Variants in ZNF888 observed in about 807,000 individuals in gnomAD.
ZNF888 encodes the protein zinc finger protein 888.
In ZNF888, 5 loss-of-function variants were observed where a neutral mutation model predicts 7.2. The ratio of observed to expected loss-of-function variants is 0.70; its 90% CI spans 0.36 to 1.46. The LOEUF (loss-of-function observed/expected upper bound fraction) is 1.46, where lower values mean the gene tolerates loss of function less well. Among genes scored for constraint, ZNF888 ranks in the 40% most tolerant of loss-of-function variants. The pLI is 0.03. For synonymous variants in ZNF888, 240 were observed against 284.3 expected, an observed-to-expected ratio of 0.84 and a Z score of 1.57; for missense variants, 716 against 858.0, an observed-to-expected ratio of 0.83 and a Z score of 2.07.
intron 2 of ZNF888, chr19:52,918,169 T>G: frequency 2.0e-6 from 2 of 985,344 alleles, no homozygotes; most frequent in South Asian, 9.4e-5. Flanking sequence ...GAGCTCCCCT[T>G]CAAGGCACAG....
intron 4 of ZNF888, chr19:52,913,687 A>G (rs1422443914): frequency 9.2e-6 from 9 of 977,250 alleles, no homozygotes; most frequent in Middle Eastern, 1.1e-3. Flanking sequence ...CATACCTGCA[A>G]CAATAACCTC....
Position 52,906,579 on chromosome 19 carries a change from A to T in ZNF888, c.1743T>A (p.Asn581Lys). The T allele has an allele frequency of 4.3e-6, 7 of 1,613,810 alleles. No homozygotes were observed. The highest frequency in any genetic ancestry group is 5.9e-6 in the Non-Finnish European group (7 of 1,179,890). Residue 581 changes from asparagine to lysine, a missense_variant, in exon 5 of 5, where the codon AAT becomes AAA. Coordinates refer to ENST00000638862, the MANE Select transcript of ZNF888 (RefSeq NM_001393938.1). ...GTGTCCTAAAAACCTTGCCACATTCATTACACTTGTAAGGTTTCTCTCCAG... is the reference window on the plus strand; with the variant it reads ...GTGTCCTAAAAACCTTGCCACATTCTTTACACTTGTAAGGTTTCTCTCCAG... ...LHTGEKPYKC[N>K]ECGKVFRTQS...
intron 3 of ZNF888, among the ~76,000 whole-genome samples, chr19:52,916,497 T>C (rs1267271987): frequency 6.6e-6 from 1 of 151,440 alleles, no homozygotes; most frequent in Non-Finnish European, 1.5e-5. Flanking sequence ...CATATATATG[T>C]GTATGTACAT....
chr19:52,906,436 G>A lies in ZNF888; in HGVS notation c.1886C>T (p.Thr629Ile). 2 of 1,613,106 alleles carry A rather than the reference G, an allele frequency of 1.2e-6. No individual in the cohort carries two copies. Among genetic ancestry groups the A allele is most frequent in the Non-Finnish European group, 8.5e-7 (1 of 1,179,508 alleles). The change falls in exon 5 of 5, where the codon ACT becomes ATT. Residue 629 changes from threonine (T) to isoleucine (I), a missense_variant. By Grantham distance (89) the Thr-to-Ile change is moderately conservative. Transcript: ENST00000638862. ...CCTACATTTGTATGGTTTCTCTCCA[G>A]TATGAACTCTCCTATGTATTTCAAG... ...SHLEIHRRVH[T>I]GEKPYKCRVC...
Position 52,907,938 on chromosome 19 carries a change from C to T in ZNF888, c.384G>A (p.Arg128=), listed in dbSNP as rs779625012. The change falls in exon 5 of 5, where the codon AGG becomes AGA. Residue 128 remains arginine, a synonymous_variant. Coordinates refer to ENST00000638862, the MANE Select transcript of ZNF888 (RefSeq NM_001393938.1). The stretch of plus-strand genomic sequence containing the variant: ...ATTTAATAGGCTTGTTTCCAGCATG[C>T]CTTTGATCATATTGGTCTGTACTAC... The part of the protein sequence containing the change: ...LTGSTDQYDQ[R]HAGNKPIKYQ... The T allele has an allele frequency of 6.2e-7, 1 of 1,613,996 alleles. No homozygotes were observed. The highest frequency in any genetic ancestry group is 1.3e-5 in the African/African-American group (1 of 74,902).
chr19:52,911,819 T>C (rs1174184281), intron 4 of ZNF888, among the ~76,000 whole-genome samples: 1 of 151,912 alleles, frequency 6.6e-6, no homozygotes, highest in Non-Finnish European at 1.5e-5. Flanking sequence ...TTTATTTTAT[T>C]TATTTTTATT....
chr19:52,914,264 C>G (rs768573372), intron 4 of ZNF888: 70 of 749,240 alleles, frequency 9.3e-5, no homozygotes, highest in Non-Finnish European at 1.1e-4. Context: ...GGTGGAGCTT[C>G]CACTCTGCCC....
At chr19:52,912,259 A>T (rs867127542) in intron 4 of ZNF888, among the ~76,000 whole-genome samples, 5 of 147,246 alleles carry the variant, frequency 3.4e-5, no homozygotes, top group Non-Finnish European at 7.4e-5. Flanking sequence ...GACTACAGGC[A>T]CCTGCCACCG....
chr19:52,912,753 G>A (rs913387767), intron 4 of ZNF888, among the ~76,000 whole-genome samples: 3 of 151,616 alleles, frequency 2.0e-5, no homozygotes, highest in Non-Finnish European at 4.4e-5. Context: ...ATAAATGAAA[G>A]AAGGCTAAAG....
intron 4 of ZNF888, among the ~76,000 whole-genome samples, chr19:52,912,927 G>T (rs1420840408): frequency 6.6e-6 from 1 of 152,000 alleles, no homozygotes; most frequent in Non-Finnish European, 1.5e-5. Context: ...AACCTACAAG[G>T]AGAAACCCTG....
chr19:52,905,876 T>C lies in ZNF888; in HGVS notation c.*289A>G, dbSNP rs564313532. 19 of 747,520 alleles carry C rather than the reference T, an allele frequency of 2.5e-5. No individual in the cohort carries two copies. In the East Asian group the frequency reaches 5.1e-4, roughly 20 times the overall value. The allele number at this position is 747,520 out of a possible 1,614,324, so 46.3% of individuals were successfully genotyped here. A position where few individuals can be genotyped will look rare whatever the true frequency, so the allele number is the denominator to read the frequency against. On this transcript the variant is annotated 3_prime_UTR_variant, in exon 5 of 5. Coordinates refer to ENST00000638862, the MANE Select transcript of ZNF888 (RefSeq NM_001393938.1). ...ATGGATTCTTTGATGTCTAATGAGG[T>C]GTGAACGTGAAGTAAAGGCTTTGCT...
chr19:52,917,977 C>G, intron 2 of ZNF888, 46 bp from the exon 3 acceptor site: 1 of 1,590,012 alleles, frequency 6.3e-7, no homozygotes, highest in East Asian at 2.2e-5. Context: ...GTTTATTGCT[C>G]AGAGTCAACA....
intron 1 of ZNF888, among the ~76,000 whole-genome samples, chr19:52,920,489 C>CAAAAAAAA (rs1191621530): frequency 4.4e-4 from 3 of 6,870 alleles, no homozygotes; most frequent in African/African-American, 1.2e-3. Flanking sequence ...TGCTTGAAGG[C>CAAAAAAAA]AAAAAAAAAA....
intron 1 of ZNF888, 47 bp downstream of exon 1, chr19:52,923,322 C>T (rs563467359): frequency 6.5e-5 from 64 of 985,544 alleles, no homozygotes; most frequent in Non-Finnish European, 7.2e-5. Flanking sequence ...ACAGAATTGC[C>T]GGGGACCTGG....
At chr19:52,912,478 T>C (rs112531685) in intron 4 of ZNF888, among the ~76,000 whole-genome samples, 1,819 of 149,400 alleles carry the variant, frequency 0.012, 41 homozygotes, top group African/African-American at 0.041. Flanking sequence ...GTAATCCCAG[T>C]ATTTTGGGAG....
intron 4 of ZNF888, among the ~76,000 whole-genome samples, chr19:52,910,174 A>T (rs887438664): frequency 9.1e-5 from 13 of 143,114 alleles, no homozygotes; most frequent in South Asian, 4.4e-4. Flanking sequence ...AAAAAAAAAA[A>T]AAAGAACTGA....
intron 4 of ZNF888, among the ~76,000 whole-genome samples, chr19:52,909,186 C>T (rs1012357520): frequency 2.6e-5 from 4 of 151,740 alleles, no homozygotes; most frequent in Non-Finnish European, 5.9e-5. Context: ...TTCTGAATAA[C>T]TGTTACAAAA....
At chr19:52,920,012 ACTG>A (rs1432982518) in intron 1 of ZNF888, among the ~76,000 whole-genome samples, 1 of 47,430 alleles carries the variant, frequency 2.1e-5, no homozygotes, top group East Asian at 3.7e-4. Context: ...GGCCGCCCCT[ACTG>A]GGAAGTGAGG....
At chr19:52,923,295 GA>G (rs1315849280) in intron 1 of ZNF888, 73 bp downstream of exon 1, 2 of 985,384 alleles carry the variant, frequency 2.0e-6, no homozygotes, top group Non-Finnish European at 2.4e-6. Flanking sequence ...GGTCTGTGGA[GA>G]CCCCACATCC....
Sources: allele counts gnomAD v4.1 joint callset (sites outside exome capture counted in the v4.1 genomes callset), GRCh38; gene constraint gnomAD v4.1.1; transcripts MANE v1.5; gene names NCBI Gene and HGNC (gene_info 2026-07-23, HGNC 2026-07-21).